Variants in BRD10 observed in about 807,000 individuals in gnomAD.
BRD10 encodes the protein bromodomain containing 10, also known as uncharacterized bromodomain-containing protein 10.
the BRD10 span, among the ~76,000 whole-genome samples, chr9:5,941,197 A>C: frequency 6.6e-6 from 1 of 151,142 alleles, no homozygotes; most frequent in African/African-American, 2.5e-5. Context: ...CTATCTAACA[A>C]ATTTCAAGTA....
chr9:5,977,528 G>C, the BRD10 span, among the ~76,000 whole-genome samples: 1 of 152,130 alleles, frequency 6.6e-6, no homozygotes, highest in Non-Finnish European at 1.5e-5. Flanking sequence ...AACACTTATA[G>C]TTAAAAATTA....
chr9:5,996,601 G>A, the BRD10 span, among the ~76,000 whole-genome samples: 4 of 152,234 alleles, frequency 2.6e-5, no homozygotes, highest in South Asian at 6.2e-4. Context: ...AAAGTGCTGG[G>A]ATTATAGGCA....
At chr9:5,926,662 G>T in the BRD10 span, among the ~76,000 whole-genome samples, 4 of 152,074 alleles carry the variant, frequency 2.6e-5, no homozygotes, top group African/African-American at 9.7e-5. Flanking sequence ...CTCCTGAGTA[G>T]CTGGGACTAC....
the BRD10 span, among the ~76,000 whole-genome samples, chr9:5,997,532 G>C: frequency 1.3e-5 from 2 of 151,790 alleles, no homozygotes; most frequent in Non-Finnish European, 2.9e-5. Flanking sequence ...AAGATGAATA[G>C]TTAGATCAAC....
At chr9:5,936,141 A>T in the BRD10 span, among the ~76,000 whole-genome samples, 1 of 152,168 alleles carries the variant, frequency 6.6e-6, no homozygotes, top group Non-Finnish European at 1.5e-5. Context: ...AAATCACTTA[A>T]GCCAAAGAGT....
the BRD10 span, among the ~76,000 whole-genome samples, chr9:5,992,323 C>A: frequency 1.1e-4 from 17 of 152,118 alleles, no homozygotes; most frequent in African/African-American, 4.1e-4. Flanking sequence ...TATTTATTTT[C>A]CATTTTAAAT....
chr9:5,901,394 C>G, the BRD10 span, among the ~76,000 whole-genome samples: 1 of 152,126 alleles, frequency 6.6e-6, no homozygotes, highest in Non-Finnish European at 1.5e-5. Context: ...CCCTTTATCC[C>G]TCGTTTATTG....
chr9:5,880,949 C>G, the BRD10 span, among the ~76,000 whole-genome samples: 2 of 152,076 alleles, frequency 1.3e-5, no homozygotes, highest in African/African-American at 2.4e-5. Context: ...ATGATCCACC[C>G]GCCTCGGCCT....
chr9:5,976,117 C>A, the BRD10 span, among the ~76,000 whole-genome samples: 1 of 152,044 alleles, frequency 6.6e-6, no homozygotes, highest in African/African-American at 2.4e-5. Context: ...GAGTCATGGG[C>A]TTGAAGTTCA....
chr9:5,949,482 G>C, the BRD10 span, among the ~76,000 whole-genome samples: 1 of 152,214 alleles, frequency 6.6e-6, no homozygotes, highest in African/African-American at 2.4e-5. Context: ...GTTAGATGGA[G>C]AAGTATAGTT....
chr9:5,888,514 T>C, the BRD10 span, among the ~76,000 whole-genome samples: 1 of 152,240 alleles, frequency 6.6e-6, no homozygotes, highest in Non-Finnish European at 1.5e-5. Flanking sequence ...GATTTTCTTA[T>C]TCGAGTTCAA....
the BRD10 span, chr9:5,944,755 T>C: frequency 1.9e-6 from 1 of 524,062 alleles, no homozygotes; most frequent in African/African-American, 2.0e-5. Context: ...TTTCTATCTT[T>C]CATGGTAAAT....
At chr9:5,885,381 C>CTT in the BRD10 span, among the ~76,000 whole-genome samples, 87 of 147,672 alleles carry the variant, frequency 5.9e-4, no homozygotes, top group East Asian at 3.4e-3. Context: ...TATGTTATCT[C>CTT]TTTTTTTTTT....
chr9:5,981,699 A>C, the BRD10 span, among the ~76,000 whole-genome samples: 2 of 152,210 alleles, frequency 1.3e-5, no homozygotes, highest in Admixed American at 1.3e-4. Context: ...AAGAATGTTT[A>C]CTATAGCATT....
the BRD10 span, among the ~76,000 whole-genome samples, chr9:5,886,055 G>A: frequency 1.3e-5 from 2 of 152,220 alleles, no homozygotes; most frequent in African/African-American, 2.4e-5. Context: ...AGCGGGGACC[G>A]AAAGCGGAAG....
the BRD10 span, among the ~76,000 whole-genome samples, chr9:5,961,315 T>G: frequency 6.4e-4 from 97 of 152,298 alleles, no homozygotes; most frequent in African/African-American, 2.2e-3. Context: ...GGAGGCTTCC[T>G]TAAGCAAGTG....
the BRD10 span, among the ~76,000 whole-genome samples, chr9:5,980,559 T>C: frequency 6.6e-6 from 1 of 152,100 alleles, no homozygotes; most frequent in African/African-American, 2.4e-5. Flanking sequence ...CTTCCTTCCT[T>C]TAAATGGAAT....
chr9:6,004,551 C>T, the BRD10 span, among the ~76,000 whole-genome samples: 13 of 152,300 alleles, frequency 8.5e-5, no homozygotes, highest in Admixed American at 3.3e-4. Flanking sequence ...GTATAGGGAA[C>T]GGCTTTAAAG....
chr9:5,991,679 C>G, the BRD10 span, among the ~76,000 whole-genome samples: 6 of 146,258 alleles, frequency 4.1e-5, no homozygotes, highest in African/African-American at 1.5e-4. Flanking sequence ...GAGCCAAGAT[C>G]GTGCCATTGC....
Sources: allele counts gnomAD v4.1 joint callset (sites outside exome capture counted in the v4.1 genomes callset), GRCh38; gene constraint gnomAD v4.1.1; transcripts MANE v1.5; gene names NCBI Gene and HGNC (gene_info 2026-07-23, HGNC 2026-07-21).